WRN: variants seen among roughly 807,000 people sequenced by gnomAD.
The protein encoded by WRN is bifunctional 3'-5' exonuclease/ATP-dependent helicase WRN.
WRN carries 149 observed loss-of-function variants against 180.7 expected under a neutral mutation model. That is an observed-to-expected ratio of 0.82 (90% CI 0.72 to 0.94). The LOEUF is 0.94. Among genes scored for constraint, WRN ranks in the 40% least tolerant of loss-of-function variants. The pLI is 0.00. For synonymous variants in WRN, 548 were observed against 568.9 expected, an observed-to-expected ratio of 0.96 and a Z score of 0.52; for missense variants, 1,661 against 1,700.1, an observed-to-expected ratio of 0.98 and a Z score of 0.40.
At position 31,080,935 on chromosome 8, in the gene WRN, CT is replaced by C. The variant is rs1813278713; in HGVS notation, c.909del (p.Asn304ThrfsTer6). On this transcript the variant is annotated frameshift_variant, in exon 9 of 35. Transcript: ENST00000298139. LOFTEE classifies it high-confidence loss of function. ...CTGAGGAGGATGATAATTGGGTCTA[CT>C]AACATTGAGACTGAACTGAGGCCCA... ...YSLRRMIIGS[T>X]NIETELRPSN... is the part of the protein sequence containing the mutation. The C allele has an allele frequency of 6.2e-7, 1 of 1,613,438 alleles. No homozygotes were observed. The highest frequency in any genetic ancestry group is 8.5e-7 in the Non-Finnish European group (1 of 1,179,834).
Position 31,141,600 on chromosome 8 carries a change from G to T in WRN, c.3138G>T (p.Lys1046Asn), listed in dbSNP as rs1802637330. The part of the protein sequence containing the change: ...KFMKICALTK[K>N]GRNWLHKANT... Reference sequence around the variant, plus strand: ...TGAAGATTTGCGCCCTTACGAAAAAGGTAAACGGTGTAGGAGTCTGCCTGT... The same window carrying T: ...TGAAGATTTGCGCCCTTACGAAAAATGTAAACGGTGTAGGAGTCTGCCTGT... The change falls in exon 25 of 35, where the codon AAG (lysine) becomes AAT (asparagine). Residue 1046 changes from lysine to asparagine, a missense_variant and splice_region_variant. Physicochemically the swap from Lys to Asn is moderately conservative, Grantham distance 94 (BLOSUM62 0). Around this residue, in one of 3 missense-constraint regions of WRN, gnomAD observed 1,141 missense variants for 1,149.4 expected, o/e 0.99. Transcript: ENST00000298139. 6 of 1,613,996 alleles carry T rather than the reference G, an allele frequency of 3.7e-6. No individual in the cohort carries two copies. The highest frequency in any genetic ancestry group is 5.1e-6 in the Non-Finnish European group (6 of 1,180,000).
At chr8:31,118,280 G>GA (rs1159062678) in intron 20 of WRN, among the ~76,000 whole-genome samples, 2 of 152,046 alleles carry the variant, frequency 1.3e-5, no homozygotes, top group African/African-American at 2.4e-5. Flanking sequence ...GCTGTGGCAG[G>GA]ATGTCACAAA....
Position 31,174,878 on chromosome 8 carries a change from TTCTTTCTC to T in WRN, c.*1780_*1787del, listed in dbSNP as rs201946137. Among the ~76,000 whole-genome samples, 1,365 of 142,178 alleles carry T rather than the reference TTCTTTCTC, an allele frequency of 9.6e-3. 19 individuals are homozygous for T. The highest frequency in any genetic ancestry group is 0.033 in the African/African-American group (1,282 of 38,426). 93.3% of individuals were successfully genotyped at this position (142,178 alleles called of 152,430 possible). ...TTTCTTTTTCTTTCTCTTTCTTTCT[TTCTTTCTC>T]TCTCTCTCTCTCTTTCTTTCTTTTT... On this transcript the variant is annotated 3_prime_UTR_variant, in exon 35 of 35. Coordinates refer to ENST00000298139, the MANE Select transcript of WRN (RefSeq NM_000553.6).
intron 1 of WRN, among the ~76,000 whole-genome samples, chr8:31,043,042 AG>A (rs1563318677): frequency 1.3e-5 from 2 of 152,320 alleles, no homozygotes; most frequent in African/African-American, 4.8e-5. Flanking sequence ...CAGCAATAAA[AG>A]GTTATTTATT....
At chr8:31,156,857 C>G (rs1029086763) in intron 32 of WRN, among the ~76,000 whole-genome samples, 6 of 152,102 alleles carry the variant, frequency 3.9e-5, no homozygotes, top group African/African-American at 1.4e-4. Context: ...ATGAATAGAG[C>G]CAATTTCAAA....
intron 30 of WRN, among the ~76,000 whole-genome samples, chr8:31,148,548 C>G (rs928793756): frequency 3.3e-5 from 5 of 151,568 alleles, no homozygotes; most frequent in African/African-American, 1.2e-4. Flanking sequence ...TTTTCAACTT[C>G]CATATATTTA....
intron 6 of WRN, among the ~76,000 whole-genome samples, 189 bp downstream of exon 6, chr8:31,067,371 A>G (rs1812752144): frequency 1.3e-5 from 2 of 152,228 alleles, no homozygotes; most frequent in African/African-American, 4.8e-5. Flanking sequence ...AGCAAGTACC[A>G]ATCAACAGAT....
intron 18 of WRN, 61 bp from the exon 19 acceptor site, chr8:31,111,553 AT>A: frequency 6.4e-7 from 1 of 1,571,018 alleles, no homozygotes; most frequent in South Asian, 1.1e-5. Context: ...TAAGAAAGCT[AT>A]AGACATGTTG....
chr8:31,040,503 A>G (rs1285129918), intron 1 of WRN, among the ~76,000 whole-genome samples: 2 of 152,182 alleles, frequency 1.3e-5, no homozygotes, highest in Non-Finnish European at 2.9e-5. Context: ...TGTTATACTG[A>G]AAAGGGATTG....
At chr8:31,044,050 G>GC (rs1811754615) in intron 1 of WRN, among the ~76,000 whole-genome samples, 1 of 147,880 alleles carries the variant, frequency 6.8e-6, no homozygotes, top group African/African-American at 2.5e-5. Context: ...CTTTTTTCTT[G>GC]TTTTTTTTTT....
At position 31,142,701 on chromosome 8, in the gene WRN, G is replaced by A. The variant is rs770117143; in HGVS notation, c.3309G>A (p.Lys1103=). 3 of 1,597,834 alleles carry A rather than the reference G, an allele frequency of 1.9e-6. No individual in the cohort carries two copies. The highest frequency in any genetic ancestry group is 2.6e-6 in the Non-Finnish European group (3 of 1,171,482). ...CAGTTGAATTAAGTACAGAGAAGAA[G>A]GTTTGTTTTAAAGAAATTGTTCTGA... is the stretch of plus-strand genomic sequence containing the variant. The part of the protein sequence containing the change: ...QVPVELSTEK[K]SNLEKLYSYK... Residue 1103 remains lysine (K), a splice_region_variant and synonymous_variant, in exon 27 of 35, where the codon AAG becomes AAA. Transcript: ENST00000298139.
chr8:31,081,908 G>T (rs142077225), intron 9 of WRN, among the ~76,000 whole-genome samples: 1 of 152,078 alleles, frequency 6.6e-6, no homozygotes, highest in Non-Finnish European at 1.5e-5. Context: ...CCACAGGCCT[G>T]CACCACTACA....
At chr8:31,058,114 G>A (rs1812343882) in intron 1 of WRN, among the ~76,000 whole-genome samples, 1 of 152,116 alleles carries the variant, frequency 6.6e-6, no homozygotes, top group Non-Finnish European at 1.5e-5. Context: ...TGATAGTGAG[G>A]TAAGGTTATT....
intron 23 of WRN, among the ~76,000 whole-genome samples, chr8:31,125,998 A>ATATATATATATC (rs1267704813): frequency 3.2e-4 from 46 of 145,370 alleles, no homozygotes; most frequent in African/African-American, 1.1e-3. Context: ...ATATATATAT[A>ATATATATATATC]TCTACTTAAC....
At chr8:31,058,163 G>A (rs965569395) in intron 1 of WRN, among the ~76,000 whole-genome samples, 6 of 152,102 alleles carry the variant, frequency 3.9e-5, no homozygotes, top group Non-Finnish European at 7.4e-5. Flanking sequence ...ATAGAATTTC[G>A]AAACTACCAG....
At chr8:31,071,699 C>T (rs1214423181) in intron 7 of WRN, among the ~76,000 whole-genome samples, 1 of 152,136 alleles carries the variant, frequency 6.6e-6, no homozygotes, top group Non-Finnish European at 1.5e-5. Context: ...CCAGGCTGGT[C>T]TCGAACTCCT....
At chr8:31,054,705 G>A (rs1031147815) in intron 1 of WRN, among the ~76,000 whole-genome samples, 1 of 152,152 alleles carries the variant, frequency 6.6e-6, no homozygotes, top group African/African-American at 2.4e-5. Context: ...ACAATGTGAA[G>A]CATTATGAAA....
At position 31,047,651 on chromosome 8, in the gene WRN, A is replaced by G. The variant is rs10503880; in HGVS notation, c.-76-10721A>G. On this transcript the variant is annotated intron_variant, in intron 1 of 34. Coordinates refer to ENST00000298139, the MANE Select transcript of WRN (RefSeq NM_000553.6). The stretch of plus-strand genomic sequence containing the variant: ...ACCGTTAACATCCACTTACTGATGA[A>G]TCCTATAAAATTTTATTTCAGGCCA... Among the ~76,000 whole-genome samples the G allele has an allele frequency of 2.6e-3, 397 of 152,296 alleles. 7 individuals carry two copies. The highest frequency in any genetic ancestry group is 0.024 in the East Asian group (127 of 5,184).
intron 31 of WRN, among the ~76,000 whole-genome samples, chr8:31,152,253 C>G (rs1803164971): frequency 6.6e-6 from 1 of 151,660 alleles, no homozygotes; most frequent in Admixed American, 6.6e-5. Context: ...ATGGCGTGAA[C>G]CTGGGAGGCG....
Sources: gnomAD v4.1 joint callset for allele counts (sites outside exome capture counted in the v4.1 genomes callset) on GRCh38, gnomAD v4.1.1 for gene constraint, gnomAD v4.1.1 regional missense constraint, MANE v1.5 for transcripts, NCBI Gene and HGNC (gene_info 2026-07-23, HGNC 2026-07-21) for gene names.